SEPTIN10: variants seen among roughly 807,000 people sequenced by gnomAD.
SEPTIN10 encodes the protein septin-10.
In SEPTIN10, 66 loss-of-function variants were observed where a neutral mutation model predicts 54.8. The observed-to-expected ratio is 1.21, with a 90% CI of 0.99 to 1.48. The LOEUF is 1.48. SEPTIN10 is among the 40% of genes most tolerant of loss of function. The pLI is 0.00. For missense variants in SEPTIN10, 620 were observed against 545.6 expected, an observed-to-expected ratio of 1.14 and a Z score of -1.36; for synonymous variants, 161 against 181.0, an observed-to-expected ratio of 0.89 and a Z score of 0.89.
intron 8 of SEPTIN10, among the ~76,000 whole-genome samples, chr2:109,559,238 T>C (rs931622239): frequency 1.3e-5 from 2 of 152,172 alleles, no homozygotes; most frequent in African/African-American, 4.8e-5. Context: ...TACATCAGAC[T>C]ATAATGAGCT....
At chr2:109,593,916 ATTAAG>A (rs1339166913) in intron 1 of SEPTIN10, among the ~76,000 whole-genome samples, 1 of 152,202 alleles carries the variant, frequency 6.6e-6, no homozygotes, top group Non-Finnish European at 1.5e-5. Flanking sequence ...ATGCTAGCTC[ATTAAG>A]TTTATTTTCT....
chr2:109,559,235 G>A (rs1482934005), intron 8 of SEPTIN10, among the ~76,000 whole-genome samples: 1 of 152,106 alleles, frequency 6.6e-6, no homozygotes, highest in Non-Finnish European at 1.5e-5. Context: ...TAATACATCA[G>A]ACTATAATGA....
Position 109,593,063 on chromosome 2 carries a change from AT to A in SEPTIN10, c.86del (p.Asp29ValfsTer5). 6.3e-7 allele frequency: 1 copy of A among 1,597,530 alleles called. No homozygotes were observed. The highest frequency in any genetic ancestry group is 8.5e-7 in the Non-Finnish European group (1 of 1,172,946). On this transcript the variant is annotated frameshift_variant, in exon 2 of 11. Transcript: ENST00000397712. LOFTEE classifies it high-confidence loss of function. ...AAGACATACTCACTATCTGTTCATC[AT>A]CTGATCCTTGTGAAGACATACAAGT... ...KTTCMSSQGS[D>X]DEQIKRENIR...
intron 1 of SEPTIN10, among the ~76,000 whole-genome samples, chr2:109,599,122 C>T (rs1695979008): frequency 6.6e-6 from 1 of 152,008 alleles, no homozygotes; most frequent in South Asian, 2.1e-4. Flanking sequence ...ATGCAGACCA[C>T]ACTGCTAGAA....
At chr2:109,582,075 GAC>G (rs55880328) in intron 4 of SEPTIN10, among the ~76,000 whole-genome samples, 8,162 of 143,786 alleles carry the variant, frequency 0.057, 443 homozygotes, top group African/African-American at 0.15. Context: ...ATGTACAACA[GAC>G]ACACACACAC....
intron 1 of SEPTIN10, among the ~76,000 whole-genome samples, chr2:109,593,942 TTACAA>T (rs1263363667): frequency 4.6e-5 from 7 of 152,218 alleles, no homozygotes; most frequent in Admixed American, 2.6e-4. Context: ...TATTTAATCC[TTACAA>T]TACATCTGAG....
chr2:109,550,347 C>G (rs760459182), intron 9 of SEPTIN10, among the ~76,000 whole-genome samples: 23 of 151,012 alleles, frequency 1.5e-4, no homozygotes, highest in Non-Finnish European at 2.8e-4. Flanking sequence ...GATTCTCGCT[C>G]TGTTGCCCAG....
rs34834964 is a variant in SEPTIN10, at chr2:109,569,387, C to T, written c.601-1411G>A. Among the ~76,000 whole-genome samples, 655 of 149,294 alleles carry T rather than the reference C, an allele frequency of 4.4e-3. 3 individuals carry two copies. Among genetic ancestry groups the T allele is most frequent in the Non-Finnish European group, 5.7e-3 (385 of 67,682 alleles). On this transcript the variant is annotated intron_variant, in intron 5 of 10. Coordinates refer to ENST00000397712, the MANE Select transcript of SEPTIN10 (RefSeq NM_144710.5). ...CAGAGGTTGCAGTGAGCCGAGATCGCGTCATTGCATTCCACACTTCAGCCT... is the reference window on the plus strand; with the variant it reads ...CAGAGGTTGCAGTGAGCCGAGATCGTGTCATTGCATTCCACACTTCAGCCT...
At chr2:109,613,409 G>C (rs539414830) in intron 1 of SEPTIN10, 1 of 324,776 alleles carries the variant, frequency 3.1e-6, no homozygotes, top group Non-Finnish European at 6.2e-6. Flanking sequence ...AGGGAGGCTC[G>C]GAAGTGCTCA....
At chr2:109,607,089 C>G (rs1698163472) in intron 1 of SEPTIN10, among the ~76,000 whole-genome samples, 1 of 152,202 alleles carries the variant, frequency 6.6e-6, no homozygotes, top group Non-Finnish European at 1.5e-5. Context: ...TAATCCATGG[C>G]CATCGCTTCG....
chr2:109,603,946 G>A (rs1262078246), intron 1 of SEPTIN10, among the ~76,000 whole-genome samples: 1 of 151,770 alleles, frequency 6.6e-6, no homozygotes, highest in East Asian at 2.0e-4. Context: ...CGGATCACGA[G>A]GTCAGGAGAT....
chr2:109,611,581 C>T (rs1699260819), intron 1 of SEPTIN10, among the ~76,000 whole-genome samples: 1 of 151,470 alleles, frequency 6.6e-6, no homozygotes, highest in Non-Finnish European at 1.5e-5. Context: ...AACATGGTCA[C>T]ACCCCTGCCT....
chr2:109,560,923 T>C (rs766641964), intron 8 of SEPTIN10, among the ~76,000 whole-genome samples: 10 of 152,240 alleles, frequency 6.6e-5, no homozygotes, highest in Non-Finnish European at 1.3e-4. Flanking sequence ...TTTATTTTCA[T>C]TGATCTCACT....
At chr2:109,607,223 T>C (rs996393874) in intron 1 of SEPTIN10, among the ~76,000 whole-genome samples, 4 of 152,224 alleles carry the variant, frequency 2.6e-5, no homozygotes, top group Non-Finnish European at 2.9e-5. Context: ...AGTAAGCTGC[T>C]TGGAGTAAGA....
chr2:109,585,726 C>A lies in SEPTIN10; in HGVS notation c.212G>T (p.Cys71Phe). 1.2e-6 allele frequency: 2 copies of A among 1,610,386 alleles called. No individual in the cohort carries two copies. Among genetic ancestry groups the A allele is most frequent in the South Asian group, 2.2e-5 (2 of 90,978 alleles). ...IQQGFCFNIL[C>F]VGETGIGKST... The stretch of plus-strand genomic sequence containing the variant: ...GAAGAGTAGGTGGCACGTACCCACA[C>A]AGAGAATATTAAAGCAGAAACCTTG... Residue 71 changes from cysteine (C) to phenylalanine (F), a missense_variant, in exon 3 of 11, where the codon TGT (cysteine) becomes TTT (phenylalanine). Cys to Phe is a radical substitution (Grantham distance 205). Coordinates refer to ENST00000397712, the MANE Select transcript of SEPTIN10 (RefSeq NM_144710.5).
intron 2 of SEPTIN10, among the ~76,000 whole-genome samples, chr2:109,587,734 A>G (rs186442548): frequency 3.0e-4 from 45 of 152,290 alleles, no homozygotes; most frequent in Non-Finnish European, 5.9e-4. Context: ...TAACACGGTG[A>G]AACCCTGTGT....
intron 4 of SEPTIN10, among the ~76,000 whole-genome samples, chr2:109,582,530 C>T (rs1047309659): frequency 1.3e-5 from 2 of 152,064 alleles, no homozygotes; most frequent in Non-Finnish European, 2.9e-5. Flanking sequence ...CCATGTTGCC[C>T]AGGCTAGTCT....
At chr2:109,546,784 A>C (rs545992660) in intron 9 of SEPTIN10, among the ~76,000 whole-genome samples, 2 of 152,342 alleles carry the variant, frequency 1.3e-5, no homozygotes, top group East Asian at 3.9e-4. Flanking sequence ...TCTAGGCTTA[A>C]AAAAATCCTA....
chr2:109,604,383 A>AAGGGGAGGGGAGGTGAGGGG, intron 1 of SEPTIN10, among the ~76,000 whole-genome samples: 1 of 64,368 alleles, frequency 1.6e-5, no homozygotes, highest in Non-Finnish European at 2.7e-5. Context: ...AAGGGAAGGG[A>AAGGGGAGGGGAGGTGAGGGG]AGGGGAGGGG....
Sources: gnomAD v4.1 joint callset for allele counts (sites outside exome capture counted in the v4.1 genomes callset) on GRCh38, gnomAD v4.1.1 for gene constraint, MANE v1.5 for transcripts, NCBI Gene and HGNC (gene_info 2026-07-23, HGNC 2026-07-21) for gene names.